Variants in SYT1 observed in about 807,000 individuals in gnomAD.
SYT1 encodes the protein synaptotagmin-1.
SYT1 carries 8 observed loss-of-function variants against 44.8 expected under a neutral mutation model. The observed-to-expected ratio is 0.18, with a 90% confidence interval of 0.10 to 0.32. The LOEUF (loss-of-function observed/expected upper bound fraction) is 0.32, where lower values mean the gene tolerates loss of function less well. SYT1 is among the 10% of genes least tolerant of loss of function. The pLI is 1.00. For synonymous variants in SYT1, 154 were observed against 188.8 expected (o/e 0.82, Z 1.51); for missense variants, 286 against 509.3 (o/e 0.56, Z 4.22).
rs554836497 is a variant in SYT1, at chr12:79,342,500, G to A, written c.811-11002G>A. ...CCCTCCTTGGCCTCCCAAAGTGCGG[G>A]GATTATAGGAGTGAGATACGATGCC... is the stretch of plus-strand genomic sequence containing the variant. On this transcript the variant is annotated intron_variant, in intron 8 of 10. Coordinates refer to ENST00000261205, the MANE Select transcript of SYT1 (RefSeq NM_005639.3). Among the ~76,000 whole-genome samples, 20 of 152,254 alleles carry A rather than the reference G, an allele frequency of 1.3e-4. No individual in the cohort carries two copies. In the South Asian group the frequency reaches 1.9e-3, roughly 14 times the overall value.
chr12:79,221,232 A>T (rs1398966777), intron 4 of SYT1, among the ~76,000 whole-genome samples: 1 of 152,046 alleles, frequency 6.6e-6, no homozygotes, highest in Non-Finnish European at 1.5e-5. Context: ...TCTGATACAC[A>T]TATATAGTTA....
chr12:79,392,457 C>T (rs537844461), intron 9 of SYT1: 8 of 152,140 alleles, frequency 5.3e-5, no homozygotes, highest in African/African-American at 1.9e-4. Context: ...GAATTTACAC[C>T]GGTTTACAGC....
At chr12:79,123,791 C>T (rs1868324607) in intron 3 of SYT1, among the ~76,000 whole-genome samples, 1 of 151,896 alleles carries the variant, frequency 6.6e-6, no homozygotes, top group South Asian at 2.1e-4. Flanking sequence ...AACAGAAATG[C>T]TTTTTAAAAA....
intron 1 of SYT1, among the ~76,000 whole-genome samples, chr12:78,879,304 T>C (rs1874334322): frequency 6.6e-6 from 1 of 151,744 alleles, no homozygotes; most frequent in Non-Finnish European, 1.5e-5. Flanking sequence ...TTTTTAAAAA[T>C]CTAAGTCTCC....
intron 3 of SYT1, among the ~76,000 whole-genome samples, chr12:79,078,394 A>G (rs543982505): frequency 2.2e-4 from 34 of 152,330 alleles, no homozygotes; most frequent in Non-Finnish European, 4.9e-4. Flanking sequence ...TATATAAAGC[A>G]CTTAGTTTAG....
intron 3 of SYT1, among the ~76,000 whole-genome samples, chr12:79,122,182 G>GA (rs980493288): frequency 1.6e-4 from 24 of 152,226 alleles, no homozygotes; most frequent in African/African-American, 5.5e-4. Context: ...AAAGACTGTA[G>GA]AAAAATATGA....
intron 7 of SYT1, 61 bp from the exon 8 acceptor site, chr12:79,299,323 A>G: frequency 6.5e-7 from 1 of 1,541,688 alleles, no homozygotes; most frequent in Non-Finnish European, 8.9e-7. Context: ...CACCATGAAC[A>G]AGTAACATGT....
intron 10 of SYT1, among the ~76,000 whole-genome samples, chr12:79,445,170 T>TTTA (rs1332931339): frequency 6.6e-6 from 1 of 151,338 alleles, no homozygotes; most frequent in African/African-American, 2.4e-5. Context: ...TTTATTTTAT[T>TTTA]TTATTTATTT....
At chr12:79,156,262 A>G (rs2138282910) in intron 3 of SYT1, among the ~76,000 whole-genome samples, 1 of 152,318 alleles carries the variant, frequency 6.6e-6, no homozygotes, top group Middle Eastern at 3.4e-3. Flanking sequence ...GCGAGGCCGT[A>G]TGACCTCATT....
chr12:79,200,764 C>G (rs1803634161), intron 3 of SYT1, among the ~76,000 whole-genome samples: 1 of 152,116 alleles, frequency 6.6e-6, no homozygotes, highest in Admixed American at 6.5e-5. Context: ...TAAGATTAAT[C>G]AATATTAGAT....
At chr12:79,198,593 ACT>A (rs1188642636) in intron 3 of SYT1, among the ~76,000 whole-genome samples, 4 of 152,098 alleles carry the variant, frequency 2.6e-5, no homozygotes, top group African/African-American at 9.6e-5. Context: ...AGCAGCATGA[ACT>A]CTCTCTGGAC....
intron 3 of SYT1, among the ~76,000 whole-genome samples, chr12:79,073,252 C>A (rs570077477): frequency 6.6e-6 from 1 of 152,174 alleles, no homozygotes; most frequent in Admixed American, 6.5e-5. Flanking sequence ...TGGGTGCATG[C>A]CACCATGCCT....
chr12:79,289,417 G>A (rs77493272), intron 5 of SYT1, among the ~76,000 whole-genome samples: 171 of 152,274 alleles, frequency 1.1e-3, no homozygotes, highest in African/African-American at 4.0e-3. Flanking sequence ...TCTTGCTTAA[G>A]CTCAGCCTTT....
chr12:79,392,376 A>G (rs1455754794), intron 9 of SYT1: 4 of 152,244 alleles, frequency 2.6e-5, no homozygotes, highest in Non-Finnish European at 5.9e-5. Flanking sequence ...ATAATTTGAA[A>G]TAAACTATCA....
chr12:79,325,853 A>G (rs549993061), intron 8 of SYT1, among the ~76,000 whole-genome samples: 2 of 152,330 alleles, frequency 1.3e-5, no homozygotes, highest in Non-Finnish European at 2.9e-5. Context: ...GAGATGCAAT[A>G]TGCAAAAACA....
chr12:79,370,355 T>A (rs1013199058), intron 9 of SYT1, among the ~76,000 whole-genome samples: 6 of 152,232 alleles, frequency 3.9e-5, no homozygotes, highest in African/African-American at 1.4e-4. Context: ...TTGAACCTAC[T>A]CTTATTAACT....
chr12:79,195,057 G>T (rs1592842320), intron 3 of SYT1, among the ~76,000 whole-genome samples: 1 of 152,242 alleles, frequency 6.6e-6, no homozygotes, highest in South Asian at 2.1e-4. Flanking sequence ...ATTGTTAACT[G>T]AGCCCATTTT....
intron 8 of SYT1, among the ~76,000 whole-genome samples, chr12:79,337,031 T>C: frequency 6.6e-6 from 1 of 152,098 alleles, no homozygotes; most frequent in East Asian, 1.9e-4. Context: ...TGACTTGCCT[T>C]AGTCTATCCC....
At chr12:79,173,924 A>T (rs1871703286) in intron 3 of SYT1, among the ~76,000 whole-genome samples, 1 of 152,068 alleles carries the variant, frequency 6.6e-6, no homozygotes, top group African/African-American at 2.4e-5. Flanking sequence ...CTATGAAAGT[A>T]GTGTATCATT....
Sources: gnomAD v4.1 joint callset for allele counts (sites outside exome capture counted in the v4.1 genomes callset) on GRCh38, gnomAD v4.1.1 for gene constraint, MANE v1.5 for transcripts, NCBI Gene and HGNC (gene_info 2026-07-23, HGNC 2026-07-21) for gene names.